The following GAS2L3 variants were observed in gnomAD, a reference collection of about 807,000 sequenced individuals.
GAS2L3 encodes the protein GAS2-like protein 3.
GAS2L3 carries 28 observed loss-of-function variants against 37.0 expected under a neutral mutation model. That is an observed-to-expected ratio of 0.76 (90% CI 0.56 to 1.04). The LOEUF is 1.04. Ranked by LOEUF, GAS2L3 falls within the 50% of genes least tolerant of loss-of-function variation. GAS2L3 has a pLI of 0.00. For missense variants in GAS2L3, 793 were observed against 817.6 expected (o/e 0.97, Z 0.37); for synonymous variants, 290 against 296.6 (o/e 0.98, Z 0.23).
At chr12:100,601,480 A>G (rs1955988432) in intron 4 of GAS2L3, among the ~76,000 whole-genome samples, 158 bp from the exon 5 acceptor site, 1 of 151,994 alleles carries the variant, frequency 6.6e-6, no homozygotes, top group Admixed American at 6.6e-5. Flanking sequence ...TTAACTGGCC[A>G]TTATTTGCTA....
At chr12:100,585,508 C>T (rs1955769060) in intron 1 of GAS2L3, among the ~76,000 whole-genome samples, 1 of 152,158 alleles carries the variant, frequency 6.6e-6, no homozygotes, top group South Asian at 2.1e-4. Flanking sequence ...CCCACCTTGG[C>T]CTCCCAAAGT....
At chr12:100,577,224 T>C (rs1480040962) in intron 1 of GAS2L3, among the ~76,000 whole-genome samples, 1 of 152,182 alleles carries the variant, frequency 6.6e-6, no homozygotes, top group Non-Finnish European at 1.5e-5. Flanking sequence ...GTTAAATGAG[T>C]CTACTGTATG....
chr12:100,614,849 A>G (rs529517250), intron 6 of GAS2L3, among the ~76,000 whole-genome samples: 3 of 152,214 alleles, frequency 2.0e-5, no homozygotes, highest in East Asian at 3.9e-4. Context: ...AACAGTACTT[A>G]ATTCCTTTTT....
intron 5 of GAS2L3, among the ~76,000 whole-genome samples, chr12:100,601,955 C>T (rs1031064346): frequency 2.0e-5 from 3 of 151,998 alleles, no homozygotes; most frequent in African/African-American, 7.2e-5. Flanking sequence ...TAACCCTTTT[C>T]AAGATCTGGA....
intron 1 of GAS2L3, among the ~76,000 whole-genome samples, chr12:100,586,711 G>A (rs961122076): frequency 6.6e-6 from 1 of 151,972 alleles, no homozygotes; most frequent in African/African-American, 2.4e-5. Context: ...AAACCCAGCA[G>A]AAGGAAATAA....
chr12:100,579,706 C>A (rs971136779), intron 1 of GAS2L3: 9 of 772,304 alleles, frequency 1.2e-5, no homozygotes, highest in Non-Finnish European at 1.7e-5. Context: ...ATGGAAGCAG[C>A]CAGCTGTGGT....
intron 1 of GAS2L3, among the ~76,000 whole-genome samples, chr12:100,588,073 A>G (rs987594068): frequency 6.6e-6 from 1 of 152,094 alleles, no homozygotes; most frequent in Admixed American, 6.5e-5. Flanking sequence ...ATAAAATAAA[A>G]TAAAGGGCAT....
intron 5 of GAS2L3, among the ~76,000 whole-genome samples, chr12:100,603,601 G>A (rs151125671): frequency 9.4e-4 from 142 of 151,870 alleles, no homozygotes; most frequent in African/African-American, 3.3e-3. Context: ...TCTTCAAGGT[G>A]TTGTTTCCTT....
chr12:100,610,365 G>A (rs892316258), intron 5 of GAS2L3, among the ~76,000 whole-genome samples: 3 of 152,166 alleles, frequency 2.0e-5, no homozygotes, highest in Non-Finnish European at 2.9e-5. Context: ...ATCATTTCAT[G>A]TATATGCACA....
At chr12:100,579,660 A>AT (rs1955684949) in intron 1 of GAS2L3, 1 of 779,248 alleles carries the variant, frequency 1.3e-6, no homozygotes, top group African/African-American at 1.7e-5. Context: ...TATTTTTCTT[A>AT]ATACCTCCCT....
At chr12:100,583,780 T>C (rs35697) in intron 1 of GAS2L3, among the ~76,000 whole-genome samples, 78,148 of 151,936 alleles carry the variant, frequency 0.51, 20,548 homozygotes, top group South Asian at 0.71. Flanking sequence ...TCATTTTTTT[T>C]CCTAGTAATT....
intron 1 of GAS2L3, among the ~76,000 whole-genome samples, chr12:100,590,707 C>T (rs555407988): frequency 3.3e-5 from 5 of 152,004 alleles, no homozygotes; most frequent in African/African-American, 1.2e-4. Context: ...TGTGTGCACT[C>T]CCCCCCACCA....
At position 100,627,088 on chromosome 12, in the gene GAS2L3, C is replaced by CA. The variant is rs566899740; in HGVS notation, c.*2213dup. ...TGGGCAACAGAGTGAGACTCTGTCT[C>CA]AAAAAAAAAAAAAAAGAAAAAGAAA... On this transcript the variant is annotated 3_prime_UTR_variant, in exon 10 of 10. Transcript: ENST00000547754. Among the ~76,000 whole-genome samples, 1,718 of 81,312 alleles carry CA rather than the reference C, an allele frequency of 0.021. 25 individuals carry two copies. The highest frequency in any genetic ancestry group is 0.054 in the African/African-American group (1,253 of 23,032). The allele number at this position is 81,312 out of a possible 152,430, so 53.3% of individuals were successfully genotyped here. A position where few individuals can be genotyped will look rare whatever the true frequency, so the allele number is the denominator to read the frequency against.
At chr12:100,613,313 C>T (rs561747601) in intron 6 of GAS2L3, among the ~76,000 whole-genome samples, 2 of 152,238 alleles carry the variant, frequency 1.3e-5, no homozygotes, top group South Asian at 2.1e-4. Flanking sequence ...GGCATTGAAC[C>T]GATAAGCTAA....
chr12:100,578,499 G>A (rs1034976189), intron 1 of GAS2L3: 1 of 157,726 alleles, frequency 6.3e-6, no homozygotes, highest in Non-Finnish European at 1.4e-5. Flanking sequence ...TATATAGCTG[G>A]TGCTCTTTTC....
intron 1 of GAS2L3, among the ~76,000 whole-genome samples, chr12:100,589,189 C>T (rs113087371): frequency 1.3e-5 from 2 of 152,142 alleles, no homozygotes; most frequent in South Asian, 2.1e-4. Flanking sequence ...CGGCTCCCTC[C>T]GTTTAGGGTC....
chr12:100,624,991 A>T lies in GAS2L3; in HGVS notation c.*101A>T, dbSNP rs1956317930. ...TGTGTCTGTCTAAATAGGTGCAGAC[A>T]CTAAGGATAGTGAGGATGGAGGCTG... On this transcript the variant is annotated 3_prime_UTR_variant, in exon 10 of 10. Transcript: ENST00000547754. 2.2e-6 allele frequency: 2 copies of T among 904,866 alleles called. No individual in the cohort carries two copies. The highest frequency in any genetic ancestry group is 3.4e-6 in the Non-Finnish European group (2 of 591,076). The allele number at this position is 904,866 out of a possible 1,614,324, so 56.1% of individuals were successfully genotyped here.
chr12:100,578,708 G>A (rs1330990460), intron 1 of GAS2L3: 1 of 429,040 alleles, frequency 2.3e-6, no homozygotes, highest in Admixed American at 3.1e-5. Context: ...CTCTTAACTG[G>A]GTTGCTCTAA....
In GAS2L3 at chr12:100,578,807, C is replaced by G. The variant is rs868417546; in HGVS notation, c.-152+5022C>G. 5.8e-5 allele frequency: 37 copies of G among 640,986 alleles called. 1 individual carries two copies. The Middle Eastern group carries it at 2.8e-3, about 48-fold the overall frequency. The allele number at this position is 640,986 out of a possible 1,614,324, so 39.7% of individuals were successfully genotyped here. ...CTCAGCTACACTGTCTCAGGTTAGC[C>G]CTGGAAGTCTTTACACACGTAGAAC... On this transcript the variant is annotated intron_variant, in intron 1 of 9. Transcript: ENST00000547754.
Sources: gnomAD v4.1 joint callset for allele counts (sites outside exome capture counted in the v4.1 genomes callset) on GRCh38, gnomAD v4.1.1 for gene constraint, MANE v1.5 for transcripts, NCBI Gene and HGNC (gene_info 2026-07-23, HGNC 2026-07-21) for gene names.